Variants in GALNTL6 observed in about 807,000 individuals in gnomAD.
The protein encoded by GALNTL6 is polypeptide N-acetylgalactosaminyltransferase-like 6.
GALNTL6 carries 46 observed loss-of-function variants against 73.7 expected under a neutral mutation model. That is an observed-to-expected ratio of 0.62 (90% CI 0.49 to 0.80). GALNTL6 has a LOEUF of 0.80. Among genes scored for constraint, GALNTL6 ranks in the 30% least tolerant of loss-of-function variants. GALNTL6 has a pLI of 0.00. For missense variants in GALNTL6, 604 were observed against 755.0 expected (o/e 0.80, Z 2.34); for synonymous variants, 259 against 263.7 (o/e 0.98, Z 0.17).
intron 8 of GALNTL6, among the ~76,000 whole-genome samples, chr4:172,901,250 C>T (rs1746611343): frequency 6.6e-6 from 1 of 152,058 alleles, no homozygotes; most frequent in Admixed American, 6.6e-5. Flanking sequence ...GTATTTGTGA[C>T]ATGAATGGGA....
intron 2 of GALNTL6, among the ~76,000 whole-genome samples, chr4:171,930,893 T>C (rs1738164584): frequency 6.6e-6 from 1 of 152,132 alleles, no homozygotes; most frequent in Non-Finnish European, 1.5e-5. Context: ...CTTTCACCAC[T>C]TTTATTCAAC....
At chr4:172,019,187 C>T (rs1308421104) in intron 2 of GALNTL6, among the ~76,000 whole-genome samples, 2 of 152,098 alleles carry the variant, frequency 1.3e-5, no homozygotes, top group African/African-American at 4.8e-5. Context: ...AACAAAAGTT[C>T]ATGGTCTGAG....
At chr4:172,582,877 T>A (rs1005487014) in intron 5 of GALNTL6, among the ~76,000 whole-genome samples, 1 of 152,148 alleles carries the variant, frequency 6.6e-6, no homozygotes, top group African/African-American at 2.4e-5. Flanking sequence ...ATTCTGAACA[T>A]GCATTAAAAA....
At chr4:172,331,456 G>T (rs1467375527) in intron 4 of GALNTL6, among the ~76,000 whole-genome samples, 2 of 152,036 alleles carry the variant, frequency 1.3e-5, no homozygotes, top group Non-Finnish European at 1.5e-5. Context: ...TTGATTATGG[G>T]TACAATATCA....
intron 2 of GALNTL6, among the ~76,000 whole-genome samples, chr4:172,034,463 A>G (rs1367710263): frequency 6.7e-6 from 1 of 150,342 alleles, no homozygotes; most frequent in East Asian, 1.9e-4. Flanking sequence ...GTTTGGGAAT[A>G]AATAGAAACA....
chr4:172,105,037 T>C (rs1431676996), intron 2 of GALNTL6, among the ~76,000 whole-genome samples: 1 of 151,942 alleles, frequency 6.6e-6, no homozygotes, highest in Non-Finnish European at 1.5e-5. Context: ...ACATGGATTA[T>C]ACAATAGCAA....
chr4:172,574,415 T>C lies in GALNTL6; in HGVS notation c.553+225726T>C, dbSNP rs1388844466. Among the ~76,000 whole-genome samples, 16 of 151,308 alleles carry C rather than the reference T, an allele frequency of 1.1e-4. No homozygotes were observed. In the East Asian group the frequency reaches 2.9e-3, roughly 27 times the overall value. On this transcript the variant is annotated intron_variant, in intron 5 of 12. Coordinates refer to ENST00000506823, the MANE Select transcript of GALNTL6 (RefSeq NM_001034845.3). ...TCCCTTACCCCACATAAATAAATTG[T>C]TTATTATTAAATATTTAAAATAATT... is the stretch of plus-strand genomic sequence containing the variant.
chr4:172,108,869 C>G, intron 2 of GALNTL6, among the ~76,000 whole-genome samples: 1 of 151,636 alleles, frequency 6.6e-6, no homozygotes, highest in Non-Finnish European at 1.5e-5. Flanking sequence ...AAAAATTAGC[C>G]GGGCATGGTA....
At chr4:172,887,899 G>A (rs995399791) in intron 8 of GALNTL6, among the ~76,000 whole-genome samples, 5 of 152,016 alleles carry the variant, frequency 3.3e-5, no homozygotes, top group South Asian at 2.1e-4. Context: ...AATTCTGACC[G>A]GTGTGAGATG....
At chr4:172,606,380 G>A (rs1402407713) in intron 5 of GALNTL6, among the ~76,000 whole-genome samples, 1 of 150,570 alleles carries the variant, frequency 6.6e-6, no homozygotes, top group Non-Finnish European at 1.5e-5. Flanking sequence ...CTTGAACCCA[G>A]GAGGCAGAGG....
chr4:171,823,933 G>A (rs1435836780), intron 2 of GALNTL6, among the ~76,000 whole-genome samples: 2 of 150,208 alleles, frequency 1.3e-5, no homozygotes, highest in Non-Finnish European at 3.0e-5. Context: ...CATAATAAAA[G>A]GATAAAGTGA....
chr4:172,015,734 G>C (rs1741169951), intron 2 of GALNTL6, among the ~76,000 whole-genome samples: 1 of 151,774 alleles, frequency 6.6e-6, no homozygotes, highest in South Asian at 2.1e-4. Flanking sequence ...TTTTGGCTTG[G>C]TAGTGATGAA....
intron 2 of GALNTL6, among the ~76,000 whole-genome samples, chr4:171,825,936 TG>T (rs1397988023): frequency 1.3e-5 from 2 of 152,298 alleles, no homozygotes; most frequent in African/African-American, 4.8e-5. Context: ...TATTGCTCTT[TG>T]TTGTCATTGG....
intron 2 of GALNTL6, among the ~76,000 whole-genome samples, chr4:171,865,285 C>A (rs1735940871): frequency 6.6e-6 from 1 of 151,968 alleles, no homozygotes; most frequent in Non-Finnish European, 1.5e-5. Context: ...GACAGACATA[C>A]AAATGGGTGC....
chr4:172,297,326 G>T (rs1485768692), intron 3 of GALNTL6, among the ~76,000 whole-genome samples: 1 of 151,990 alleles, frequency 6.6e-6, no homozygotes, highest in African/African-American at 2.4e-5. Context: ...TCTGATGGTA[G>T]ATTCTTTTGC....
chr4:172,951,064 G>A (rs572051632), intron 9 of GALNTL6, among the ~76,000 whole-genome samples: 2 of 152,198 alleles, frequency 1.3e-5, no homozygotes, highest in South Asian at 4.1e-4. Flanking sequence ...AAAGGCCACA[G>A]AAGAGTTCCA....
intron 5 of GALNTL6, among the ~76,000 whole-genome samples, chr4:172,589,889 A>G (rs1737565955): frequency 6.6e-6 from 1 of 152,038 alleles, no homozygotes. Context: ...AAAATTTACT[A>G]CTTCTGAGAA....
At chr4:172,352,885 G>A (rs1318271161) in intron 5 of GALNTL6, among the ~76,000 whole-genome samples, 2 of 151,902 alleles carry the variant, frequency 1.3e-5, no homozygotes, top group African/African-American at 2.4e-5. Flanking sequence ...TATTCTCCAT[G>A]TACTATTTAG....
chr4:172,561,864 A>AT (rs1467719603), intron 5 of GALNTL6, among the ~76,000 whole-genome samples: 1 of 152,098 alleles, frequency 6.6e-6, no homozygotes, highest in Non-Finnish European at 1.5e-5. Context: ...GTGAATATAT[A>AT]TTTTTTTAAT....
Sources: gnomAD v4.1 joint callset for allele counts (sites outside exome capture counted in the v4.1 genomes callset) on GRCh38, gnomAD v4.1.1 for gene constraint, MANE v1.5 for transcripts, NCBI Gene and HGNC (gene_info 2026-07-23, HGNC 2026-07-21) for gene names.